The following SYCP2 variants were observed in gnomAD, a reference collection of about 807,000 sequenced individuals.
SYCP2 encodes the protein synaptonemal complex lateral element protein.
In SYCP2, 55 loss-of-function variants were observed where a neutral mutation model predicts 211.3. That is an observed-to-expected ratio of 0.26 (90% CI 0.21 to 0.33). The LOEUF is 0.33. SYCP2 is among the 10% of genes least tolerant of loss of function. The probability of loss-of-function intolerance (pLI) is 1.00; values close to 1 mark genes in which losing one functional copy is unlikely to be tolerated. For missense variants in SYCP2, 1,731 were observed against 1,752.0 expected, an observed-to-expected ratio of 0.99 and a Z score of 0.21; for synonymous variants, 570 against 555.2, an observed-to-expected ratio of 1.03 and a Z score of -0.37.
At chr20:59,867,014 CAAAAAAAAAAA>C (rs779891839) in intron 39 of SYCP2, among the ~76,000 whole-genome samples, 3 of 60,418 alleles carry the variant, frequency 5.0e-5, no homozygotes, top group African/African-American at 1.2e-4. Context: ...GGCCTTGGGC[CAAAAAAAAAAA>C]AAAAAAAAAA....
chr20:59,892,154 C>T lies in SYCP2; in HGVS notation c.2200G>A (p.Glu734Lys). The T allele has an allele frequency of 6.2e-7, 1 of 1,612,308 alleles. No homozygotes were observed. The highest frequency in any genetic ancestry group is 1.1e-5 in the South Asian group (1 of 90,932). Residue 734 changes from glutamate (E) to lysine (K), a missense_variant, in exon 24 of 45, where the codon GAA becomes AAA. Glu to Lys is a moderately conservative substitution (Grantham distance 56). Around this residue, in one of 3 missense-constraint regions of SYCP2, gnomAD observed 1,387 missense variants for 1,351.3 expected, o/e 1.03. Transcript: ENST00000357552. ...TTCTTCCTATATATCAGCGATTCTT[C>T]AATTGTCTTATTTAGGAGAACCGAT... ...FKSVLLNKTIEESLIYRKKYI... is the reference protein window; with the variant it reads ...FKSVLLNKTIKESLIYRKKYI...
At chr20:59,908,110 G>A (rs193084186) in intron 14 of SYCP2, among the ~76,000 whole-genome samples, 85 of 152,100 alleles carry the variant, frequency 5.6e-4, no homozygotes, top group African/African-American at 2.0e-3. Flanking sequence ...TTAGCCGGGC[G>A]TGGTGGTGGG....
At chr20:59,897,194 G>T (rs945916754) in intron 18 of SYCP2, among the ~76,000 whole-genome samples, 1 of 152,086 alleles carries the variant, frequency 6.6e-6, no homozygotes, top group Non-Finnish European at 1.5e-5. Flanking sequence ...CTGCATAGAG[G>T]CATAAAAGAG....
rs567484301 is a variant in SYCP2, at chr20:59,899,579, T to C, written c.1404+559A>G. Among the ~76,000 whole-genome samples the C allele has an allele frequency of 4.6e-5, 7 of 152,224 alleles. No homozygotes were observed. The South Asian group carries it at 1.2e-3, about 27-fold the overall frequency. ...AGGTATGGAGAGAAAGTTTTTCTAA[T>C]GTAGTAATAGAAGCAGAAAGGGAAC... is the stretch of plus-strand genomic sequence containing the variant. On this transcript the variant is annotated intron_variant, in intron 18 of 44. Transcript: ENST00000357552.
intron 39 of SYCP2, 118 bp downstream of exon 39, chr20:59,867,593 G>T: frequency 1.3e-6 from 1 of 770,626 alleles, no homozygotes; most frequent in Non-Finnish European, 2.0e-6. Context: ...TATAAGGAAA[G>T]TTGGTTTCAT....
At chr20:59,874,533 G>C (rs1021064970) in intron 34 of SYCP2, among the ~76,000 whole-genome samples, 2 of 151,982 alleles carry the variant, frequency 1.3e-5, no homozygotes, top group African/African-American at 4.8e-5. Context: ...GATCGAATCA[G>C]GGCATGTACA....
intron 22 of SYCP2, 45 bp from the exon 23 acceptor site, chr20:59,892,746 G>A (rs6071007): frequency 0.026 from 40,923 of 1,555,074 alleles, 595 homozygotes; most frequent in Middle Eastern, 0.039. Flanking sequence ...ACATTAGCCT[G>A]TGACTTTAAG....
At chr20:59,926,119 AAGAC>A (rs1207628751) in intron 2 of SYCP2, among the ~76,000 whole-genome samples, 2 of 152,062 alleles carry the variant, frequency 1.3e-5, no homozygotes, top group Non-Finnish European at 1.5e-5. Context: ...CTTCTCCTGT[AAGAC>A]AGGTTTCATA....
At chr20:59,903,326 T>A (rs2060152212) in intron 15 of SYCP2, among the ~76,000 whole-genome samples, 1 of 152,122 alleles carries the variant, frequency 6.6e-6, no homozygotes, top group Non-Finnish European at 1.5e-5. Context: ...GTCAAGATTT[T>A]ATAACATAAG....
intron 18 of SYCP2, 97 bp downstream of exon 18, chr20:59,900,037 CCAAT>C: frequency 1.6e-6 from 2 of 1,250,326 alleles, no homozygotes; most frequent in South Asian, 2.5e-5. Flanking sequence ...TTGATCAAGG[CCAAT>C]AATATATAAA....
At chr20:59,910,569 C>T (rs914629802) in intron 14 of SYCP2, among the ~76,000 whole-genome samples, 5 of 151,090 alleles carry the variant, frequency 3.3e-5, no homozygotes, top group South Asian at 4.2e-4. Context: ...TTAGTAGAGG[C>T]GGGGTTTCAC....
chr20:59,911,969 G>A, intron 13 of SYCP2, 124 bp from the exon 14 acceptor site: 2 of 456,510 alleles, frequency 4.4e-6, no homozygotes, highest in South Asian at 6.2e-5. Context: ...AGAAAGAACA[G>A]ACAAGTATAA....
At chr20:59,868,674 T>C in intron 37 of SYCP2, 106 bp from the exon 38 acceptor site, 1 of 1,349,788 alleles carries the variant, frequency 7.4e-7, no homozygotes, top group Non-Finnish European at 9.9e-7. Flanking sequence ...TAAGTATTTT[T>C]ATTATGTTTT....
Position 59,866,506 on chromosome 20 carries a change from A to C in SYCP2, c.4209T>G (p.Ser1403Arg). ...TTTTTATTACAGACCTAGAGTCCTGACTTTGATGATTCATTGTTCTCAGAT... is the reference window on the plus strand; with the variant it reads ...TTTTTATTACAGACCTAGAGTCCTGCCTTTGATGATTCATTGTTCTCAGAT... ...QQHLRTMNHQ[S>R]QDSRIKKLDK... is the part of the protein sequence containing the mutation. The change falls in exon 40 of 45, where the codon AGT becomes AGG. Residue 1403 changes from serine to arginine, a missense_variant. Physicochemically the swap from Ser to Arg is moderately radical, Grantham distance 110. This residue lies in a region of SYCP2 where 1,387 missense variants were observed against 1,351.3 expected (regional missense o/e 1.03). Coordinates refer to ENST00000357552, the MANE Select transcript of SYCP2 (RefSeq NM_014258.4). 1 of 1,608,564 alleles carries C rather than the reference A, an allele frequency of 6.2e-7. No homozygotes were observed. The highest frequency in any genetic ancestry group is 8.5e-7 in the Non-Finnish European group (1 of 1,177,700).
At chr20:59,906,134 A>G (rs2060209227) in intron 15 of SYCP2, among the ~76,000 whole-genome samples, 1 of 152,158 alleles carries the variant, frequency 6.6e-6, no homozygotes, top group African/African-American at 2.4e-5. Context: ...GACTGTTAAC[A>G]TGTTATTTCT....
At position 59,869,946 on chromosome 20, in the gene SYCP2, T is replaced by C. The variant is rs749624161; in HGVS notation, c.3593A>G (p.Asn1198Ser). 1.2e-6 allele frequency: 2 copies of C among 1,603,490 alleles called. No individual in the cohort carries two copies. The highest frequency in any genetic ancestry group is 1.7e-5 in the Admixed American group (1 of 59,546). The stretch of plus-strand genomic sequence containing the variant: ...TACCAGAGAACTTATTTTTTTTCTA[T>C]TTACAATAGTATTACTCTTAGTTGG... ...HTPTKSNTIV[N>S]RKKISSLVLT... The change falls in exon 36 of 45, where the codon AAT becomes AGT. Residue 1198 changes from asparagine (N) to serine (S), a missense_variant. By Grantham distance (46) the Asn-to-Ser change is conservative. Coordinates refer to ENST00000357552, the MANE Select transcript of SYCP2 (RefSeq NM_014258.4).
In SYCP2 at chr20:59,877,465, T is replaced by G; in HGVS notation, c.3070A>C (p.Asn1024His). Reference sequence around the variant, plus strand: ...TCTGAATTTGAGAGATCTTTATAGTTTTTTTTTGTTTTGGTTGCTTTTCGT... The same window carrying G: ...TCTGAATTTGAGAGATCTTTATAGTGTTTTTTTGTTTTGGTTGCTTTTCGT... ...LPRKATKTKK[N>H]YKDLSNSESE... is the part of the protein sequence containing the mutation. The change falls in exon 33 of 45, where the codon AAC (asparagine) becomes CAC (histidine). Residue 1024 changes from asparagine (N) to histidine (H), a missense_variant. Transcript: ENST00000357552. 1 of 1,605,542 alleles carries G rather than the reference T, an allele frequency of 6.2e-7. No homozygotes were observed. Among genetic ancestry groups the G allele is most frequent in the South Asian group, 1.1e-5 (1 of 88,290 alleles).
intron 16 of SYCP2, among the ~76,000 whole-genome samples, chr20:59,901,342 T>C (rs964172849): frequency 1.3e-5 from 2 of 152,130 alleles, no homozygotes; most frequent in Non-Finnish European, 2.9e-5. Context: ...TTACTTCTTC[T>C]GATGTATCAT....
chr20:59,885,019 A>G (rs1227292983), intron 26 of SYCP2: 1 of 152,028 alleles, frequency 6.6e-6, no homozygotes, highest in Non-Finnish European at 1.5e-5. Flanking sequence ...TAATAATCAG[A>G]TAAGAGGGTG....
Sources: gnomAD v4.1 joint callset for allele counts (sites outside exome capture counted in the v4.1 genomes callset) on GRCh38, gnomAD v4.1.1 for gene constraint, gnomAD v4.1.1 regional missense constraint, MANE v1.5 for transcripts, NCBI Gene and HGNC (gene_info 2026-07-23, HGNC 2026-07-21) for gene names.